The following DCAF10 variants were observed in gnomAD, a reference collection of about 807,000 sequenced individuals.
DCAF10 encodes DDB1 and CUL4 associated factor 10.
Under a neutral mutation model 51.9 loss-of-function variants are expected in DCAF10, and 19 were observed. The ratio of observed to expected loss-of-function variants is 0.37; its 90% CI spans 0.26 to 0.54. The LOEUF (loss-of-function observed/expected upper bound fraction) is 0.54, where lower values mean the gene tolerates loss of function less well. Ranked by LOEUF, DCAF10 falls within the 20% of genes least tolerant of loss-of-function variation. The pLI is 0.87. For missense variants in DCAF10, 510 were observed against 730.6 expected (o/e 0.70, Z 3.48); for synonymous variants, 291 against 297.1 (o/e 0.98, Z 0.21).
At chr9:37,842,801 C>T (rs1830370394) in intron 3 of DCAF10, among the ~76,000 whole-genome samples, 1 of 152,170 alleles carries the variant, frequency 6.6e-6, no homozygotes, top group African/African-American at 2.4e-5. Flanking sequence ...TTCTAAACCT[C>T]CTGCAGTACA....
chr9:37,857,816 T>C (rs185743184), intron 5 of DCAF10, among the ~76,000 whole-genome samples: 1 of 152,334 alleles, frequency 6.6e-6, no homozygotes, highest in Admixed American at 6.5e-5. Flanking sequence ...TGAGCTACCA[T>C]CTGGCTCCTC....
intron 2 of DCAF10, among the ~76,000 whole-genome samples, chr9:37,833,879 T>C (rs377495046): frequency 2.0e-5 from 3 of 152,086 alleles, no homozygotes; most frequent in African/African-American, 7.3e-5. Flanking sequence ...TTGTTCTAGG[T>C]GCTTTAATTT....
chr9:37,812,518 C>T (rs1415117024), intron 1 of DCAF10, among the ~76,000 whole-genome samples: 1 of 152,132 alleles, frequency 6.6e-6, no homozygotes, highest in Non-Finnish European at 1.5e-5. Flanking sequence ...CAGATCTACA[C>T]AGAAACAGGT....
In DCAF10 at chr9:37,803,941, T is replaced by C. The variant is rs987967211; in HGVS notation, c.539+2536T>C. ...GGGTTAGAAGGTATTTTCTAAAGAA[T>C]TCAAAAAATGTTTTAAGTGATAGAA... On this transcript the variant is annotated intron_variant, in intron 1 of 6. Coordinates refer to ENST00000377724, the MANE Select transcript of DCAF10 (RefSeq NM_024345.5). 3.9e-5 allele frequency among the ~76,000 whole-genome samples: 6 copies of C among 151,938 alleles called. No homozygotes were observed. The South Asian group carries it at 8.3e-4, about 21-fold the overall frequency.
At chr9:37,850,868 ATATATATATAT>A (rs1830626306) in intron 3 of DCAF10, among the ~76,000 whole-genome samples, 2 of 82,052 alleles carry the variant, frequency 2.4e-5, no homozygotes, top group Non-Finnish European at 4.9e-5. Flanking sequence ...ATATATATAT[ATATATATATAT>A]ATAAATTAGC....
chr9:37,830,761 A>C (rs1457966287), intron 2 of DCAF10, among the ~76,000 whole-genome samples: 1 of 152,234 alleles, frequency 6.6e-6, no homozygotes, highest in Non-Finnish European at 1.5e-5. Flanking sequence ...TACTCAAAAC[A>C]ACCTTTGGCT....
chr9:37,850,609 G>C (rs1198572935), intron 3 of DCAF10, among the ~76,000 whole-genome samples: 1 of 151,658 alleles, frequency 6.6e-6, no homozygotes, highest in Non-Finnish European at 1.5e-5. Context: ...TGGTTACCAG[G>C]GACTGGGGAC....
At chr9:37,848,789 A>G (rs1460353299) in intron 3 of DCAF10, among the ~76,000 whole-genome samples, 1 of 152,012 alleles carries the variant, frequency 6.6e-6, no homozygotes, top group Non-Finnish European at 1.5e-5. Context: ...CCTGGCCAAC[A>G]TGGTGAAATC....
At chr9:37,841,484 T>C (rs1830335979) in intron 2 of DCAF10, among the ~76,000 whole-genome samples, 1 of 152,256 alleles carries the variant, frequency 6.6e-6, no homozygotes, top group Admixed American at 6.5e-5. Flanking sequence ...AAAGTCTGAA[T>C]TATAGAGTAT....
intron 3 of DCAF10, among the ~76,000 whole-genome samples, chr9:37,843,492 A>T (rs1229541629): frequency 1.3e-5 from 2 of 152,228 alleles, no homozygotes; most frequent in African/African-American, 4.8e-5. Flanking sequence ...ATAAAATTTG[A>T]ATAGAAATAT....
At chr9:37,814,237 C>T (rs1829458298) in intron 1 of DCAF10, among the ~76,000 whole-genome samples, 1 of 145,320 alleles carries the variant, frequency 6.9e-6, no homozygotes, top group Non-Finnish European at 1.5e-5. Flanking sequence ...CTCCCGGGTT[C>T]AAGCGATTCT....
chr9:37,847,253 C>CAAA (rs78089886), intron 3 of DCAF10, among the ~76,000 whole-genome samples: 52 of 32,928 alleles, frequency 1.6e-3, no homozygotes, highest in Non-Finnish European at 1.9e-3. Context: ...AACTCCATCT[C>CAAA]AAAAAAAAAA....
chr9:37,860,988 T>G, intron 6 of DCAF10, 152 bp from the exon 7 acceptor site: 1 of 1,068,266 alleles, frequency 9.4e-7, no homozygotes, highest in Non-Finnish European at 1.3e-6. Context: ...CCTACAAGTT[T>G]TGTTAGTTGG....
intron 2 of DCAF10, among the ~76,000 whole-genome samples, chr9:37,821,782 A>G (rs1829709074): frequency 6.6e-6 from 1 of 152,260 alleles, no homozygotes; most frequent in Non-Finnish European, 1.5e-5. Flanking sequence ...ATTAAACTAA[A>G]GAGATTTGGC....
chr9:37,817,998 CTT>C (rs773625935), intron 1 of DCAF10, among the ~76,000 whole-genome samples: 2 of 145,990 alleles, frequency 1.4e-5, no homozygotes, highest in Non-Finnish European at 3.0e-5. Context: ...AAGATTTCAA[CTT>C]TTTTTTTTTT....
At chr9:37,832,458 C>CA (rs34040185) in intron 2 of DCAF10, among the ~76,000 whole-genome samples, 5,565 of 127,072 alleles carry the variant, frequency 0.044, 293 homozygotes, top group African/African-American at 0.14. Flanking sequence ...GACTCCGTCT[C>CA]AAAAAAAAAA....
chr9:37,806,417 C>T (rs1029102046), intron 1 of DCAF10, among the ~76,000 whole-genome samples: 12 of 152,174 alleles, frequency 7.9e-5, no homozygotes, highest in Admixed American at 2.6e-4. Flanking sequence ...ACTCCTCACC[C>T]GTGCCTGGCA....
At chr9:37,838,261 C>T (rs1830231162) in intron 2 of DCAF10, among the ~76,000 whole-genome samples, 1 of 151,930 alleles carries the variant, frequency 6.6e-6, no homozygotes, top group Non-Finnish European at 1.5e-5. Context: ...CTTTACTAAA[C>T]ATAAAAGTTT....
intron 1 of DCAF10, among the ~76,000 whole-genome samples, chr9:37,804,820 G>A (rs1240319895): frequency 1.3e-5 from 2 of 151,780 alleles, no homozygotes; most frequent in Admixed American, 6.6e-5. Context: ...GAGCAACTAT[G>A]AGAGTGATAG....
Sources: gnomAD v4.1 joint callset for allele counts (sites outside exome capture counted in the v4.1 genomes callset) on GRCh38, gnomAD v4.1.1 for gene constraint, MANE v1.5 for transcripts, NCBI Gene and HGNC (gene_info 2026-07-23, HGNC 2026-07-21) for gene names.